Variants in SLC35F3 observed in about 807,000 individuals in gnomAD.
SLC35F3 encodes the protein putative thiamine transporter SLC35F3.
Under a neutral mutation model 49.9 loss-of-function variants are expected in SLC35F3, and 25 were observed. The ratio of observed to expected loss-of-function variants is 0.50; its 90% CI spans 0.37 to 0.70. The LOEUF is 0.70. Ranked by LOEUF, SLC35F3 falls within the 30% of genes least tolerant of loss-of-function variation. The probability of loss-of-function intolerance (pLI) is 0.00; values close to 1 mark genes in which losing one functional copy is unlikely to be tolerated. For synonymous variants in SLC35F3, 275 were observed against 265.4 expected, an observed-to-expected ratio of 1.04 and a Z score of -0.35; for missense variants, 525 against 639.8, an observed-to-expected ratio of 0.82 and a Z score of 1.94.
At chr1:234,050,259 G>T (rs1664355131) in intron 2 of SLC35F3, among the ~76,000 whole-genome samples, 1 of 152,218 alleles carries the variant, frequency 6.6e-6, no homozygotes, top group African/African-American at 2.4e-5. Context: ...CACCAACAGT[G>T]TAAAAGTGTT....
intron 2 of SLC35F3, among the ~76,000 whole-genome samples, chr1:234,192,342 C>CA (rs1666743304): frequency 6.6e-6 from 1 of 152,056 alleles, no homozygotes; most frequent in South Asian, 2.1e-4. Context: ...GAATTAAAAA[C>CA]AAAAATCACA....
intron 2 of SLC35F3, among the ~76,000 whole-genome samples, chr1:233,971,762 C>A (rs11577093): frequency 2.0e-5 from 3 of 150,882 alleles, no homozygotes; most frequent in African/African-American, 7.3e-5. Context: ...TGCTGACTCC[C>A]TTGTGGTCAA....
chr1:233,997,797 G>C (rs1315512305), intron 2 of SLC35F3, among the ~76,000 whole-genome samples: 1 of 151,664 alleles, frequency 6.6e-6, no homozygotes, highest in African/African-American at 2.4e-5. Context: ...TGTCATCCAG[G>C]CTGGAGTGCA....
chr1:234,082,362 C>T (rs1370650863), intron 2 of SLC35F3, among the ~76,000 whole-genome samples: 2 of 152,170 alleles, frequency 1.3e-5, no homozygotes, highest in Non-Finnish European at 2.9e-5. Context: ...AAATTCAATT[C>T]GCTGCCTGCC....
chr1:234,294,899 G>T (rs540889815), intron 3 of SLC35F3, among the ~76,000 whole-genome samples: 1 of 152,218 alleles, frequency 6.6e-6, no homozygotes, highest in South Asian at 2.1e-4. Context: ...TTTACAGGGT[G>T]CCTGGGGGGG....
chr1:234,034,614 G>A (rs138193276), intron 2 of SLC35F3, among the ~76,000 whole-genome samples: 1,899 of 150,164 alleles, frequency 0.013, 33 homozygotes, highest in African/African-American at 0.043. Flanking sequence ...TCTGCCTCCC[G>A]GATTCAAGCG....
intron 2 of SLC35F3, among the ~76,000 whole-genome samples, chr1:234,070,056 A>C (rs1343203672): frequency 6.6e-6 from 1 of 152,248 alleles, no homozygotes; most frequent in East Asian, 1.9e-4. Context: ...AAGTTGGTTT[A>C]AATGGCTGGA....
chr1:234,187,167 G>T (rs566746512), intron 2 of SLC35F3, among the ~76,000 whole-genome samples: 1 of 152,270 alleles, frequency 6.6e-6, no homozygotes, highest in Admixed American at 6.5e-5. Flanking sequence ...ACCAGCTGCT[G>T]CCTGCCAGCC....
intron 2 of SLC35F3, among the ~76,000 whole-genome samples, chr1:233,907,111 G>A (rs868524892): frequency 2.0e-5 from 3 of 152,218 alleles, no homozygotes; most frequent in Middle Eastern, 3.4e-3. Flanking sequence ...TGGATAGAAC[G>A]CTCAAGTTTT....
At chr1:234,194,176 A>G (rs1434563366) in intron 2 of SLC35F3, among the ~76,000 whole-genome samples, 1 of 152,214 alleles carries the variant, frequency 6.6e-6, no homozygotes, top group Non-Finnish European at 1.5e-5. Flanking sequence ...TAGCAGCACA[A>G]TTCGCAATTG....
rs1468235479 is a variant in SLC35F3 at position 234,214,486 on chromosome 1, C to A, written c.284-16931C>A. 2 of 1,525,164 alleles carry A rather than the reference C, an allele frequency of 1.3e-6. No individual in the cohort carries two copies. The highest frequency in any genetic ancestry group is 5.4e-5 in the East Asian group (2 of 37,006). The allele number at this position is 1,525,164 out of a possible 1,614,324, so 94.5% of individuals were successfully genotyped here. On this transcript the variant is annotated intron_variant, in intron 2 of 7. Coordinates refer to ENST00000366618, the MANE Select transcript of SLC35F3 (RefSeq NM_173508.4). The surrounding 1 kb of genome is among the most constrained non-coding windows in gnomAD (Gnocchi z 8.0). ...CGATCGGCGGCAGCGCTCCTGCAGG[C>A]GGCCGGCTCATCATGAAGAAGCACT...
At chr1:234,056,862 C>T (rs1442434468) in intron 2 of SLC35F3, among the ~76,000 whole-genome samples, 1 of 152,168 alleles carries the variant, frequency 6.6e-6, no homozygotes, top group Non-Finnish European at 1.5e-5. Flanking sequence ...AAGGGTCTAA[C>T]TCATCCTTTT....
chr1:234,321,918 C>T (rs918595528), intron 7 of SLC35F3, among the ~76,000 whole-genome samples: 1 of 152,084 alleles, frequency 6.6e-6, no homozygotes, highest in South Asian at 2.1e-4. Context: ...CGGGAGCTCA[C>T]GCCTGTAATC....
chr1:234,148,128 C>T (rs982655303), intron 2 of SLC35F3, among the ~76,000 whole-genome samples: 18 of 152,212 alleles, frequency 1.2e-4, no homozygotes, highest in Non-Finnish European at 1.8e-4. Flanking sequence ...CAAGTTATCC[C>T]TTCCTGTACA....
intron 7 of SLC35F3, among the ~76,000 whole-genome samples, chr1:234,321,400 A>G (rs568933686): frequency 6.6e-6 from 1 of 152,368 alleles, no homozygotes; most frequent in Admixed American, 6.5e-5. Context: ...TGTGACAACC[A>G]GATGAAATAA....
In SLC35F3 at chr1:234,153,928, C is replaced by T. The variant is rs142788371; in HGVS notation, c.284-77489C>T. Among the ~76,000 whole-genome samples, 1,110 of 152,046 alleles carry T rather than the reference C, an allele frequency of 7.3e-3. 20 individuals carry two copies. The highest frequency in any genetic ancestry group is 0.024 in the African/African-American group (1,001 of 41,468). ...AATACAAAAAATTAGCCGGGCATGG[C>T]GGCAGGCGCCTGTAGTCCCAGGTAC... On this transcript the variant is annotated intron_variant, in intron 2 of 7. Transcript: ENST00000366618.
chr1:234,231,386 G>T lies in SLC35F3; in HGVS notation c.284-31G>T. ...GAAGTGCAGGGGTGAAGGTCTGCAG[G>T]CCCCGCTAACCACGCCCTTCTCTTC... On this transcript the variant is annotated intron_variant, in intron 2 of 7. Coordinates refer to ENST00000366618, the MANE Select transcript of SLC35F3 (RefSeq NM_173508.4). The surrounding 1 kb of genome is among the most constrained non-coding windows in gnomAD (Gnocchi z 5.4). The T allele has an allele frequency of 1.4e-6, 2 of 1,463,008 alleles. No individual in the cohort carries two copies. The highest frequency in any genetic ancestry group is 2.5e-5 in the East Asian group (1 of 40,352). The allele number at this position is 1,463,008 out of a possible 1,614,324, so 90.6% of individuals were successfully genotyped here. A position where few individuals can be genotyped will look rare whatever the true frequency, so the allele number is the denominator to read the frequency against.
intron 2 of SLC35F3, among the ~76,000 whole-genome samples, chr1:234,165,686 C>T (rs778919405): frequency 1.3e-4 from 20 of 152,218 alleles, no homozygotes; most frequent in East Asian, 9.7e-4. Context: ...ACACCTGGCT[C>T]ATTCTTTTTT....
rs1457583995 is a variant in SLC35F3, at chr1:234,231,365, T to G, written c.284-52T>G. The G allele has an allele frequency of 7.3e-7, 1 of 1,379,046 alleles. No individual in the cohort carries two copies. Among genetic ancestry groups the G allele is most frequent in the Non-Finnish European group, 9.6e-7 (1 of 1,038,872 alleles). The allele number at this position is 1,379,046 out of a possible 1,614,324, so 85.4% of individuals were successfully genotyped here. On this transcript the variant is annotated intron_variant, in intron 2 of 7. Coordinates refer to ENST00000366618, the MANE Select transcript of SLC35F3 (RefSeq NM_173508.4). This position sits in a 1 kb window ranked among gnomAD's most constrained non-coding sequence, Gnocchi z 5.4. The stretch of plus-strand genomic sequence containing the variant: ...GGCTGCAGGGCAGCGCCCTGCGAAG[T>G]GCAGGGGTGAAGGTCTGCAGGCCCC...
Sources: gnomAD v4.1 joint callset for allele counts (sites outside exome capture counted in the v4.1 genomes callset) on GRCh38, gnomAD v4.1.1 for gene constraint, Gnocchi (gnomAD v3.1) non-coding constraint, MANE v1.5 for transcripts, NCBI Gene and HGNC (gene_info 2026-07-23, HGNC 2026-07-21) for gene names.